Variants in RORA observed in about 807,000 individuals in gnomAD.
RORA encodes RAR related orphan receptor A.
Under a neutral mutation model 69.5 loss-of-function variants are expected in RORA, and 7 were observed. The ratio of observed to expected loss-of-function variants is 0.10; its 90% CI spans 0.06 to 0.19. The LOEUF (loss-of-function observed/expected upper bound fraction) is 0.19, where lower values mean the gene tolerates loss of function less well. Among genes scored for constraint, RORA ranks in the 10% least tolerant of loss-of-function variants. The pLI is 1.00. For synonymous variants in RORA, 261 were observed against 240.8 expected, an observed-to-expected ratio of 1.08 and a Z score of -0.78; for missense variants, 457 against 663.0, an observed-to-expected ratio of 0.69 and a Z score of 3.41.
intron 1 of RORA, among the ~76,000 whole-genome samples, chr15:61,051,176 G>A (rs1043464887): frequency 6.6e-6 from 1 of 152,224 alleles, no homozygotes; most frequent in African/African-American, 2.4e-5. Context: ...ATGGCAGAAG[G>A]AAGAGGGGAG....
intron 1 of RORA, among the ~76,000 whole-genome samples, chr15:61,008,994 A>C (rs1014731554): frequency 1.3e-5 from 2 of 152,186 alleles, no homozygotes; most frequent in Non-Finnish European, 2.9e-5. Context: ...TAAACATCCT[A>C]TCAGAGTCTC....
rs553417682 is a variant in RORA, at chr15:60,507,385, G to A, written c.821-1756C>T. On this transcript the variant is annotated intron_variant, in intron 5 of 10. Coordinates refer to ENST00000335670, the MANE Select transcript of RORA (RefSeq NM_134261.3). ...GCAGACTTGTTTGTGTGAAAACAGA[G>A]CAGGTTCACCTAAATGGAGCTGGAA... Among the ~76,000 whole-genome samples the A allele has an allele frequency of 5.3e-5, 8 of 152,282 alleles. No individual in the cohort carries two copies. The East Asian group carries it at 1.5e-3, about 29-fold the overall frequency.
At chr15:61,188,347 T>A (rs1299603739) in intron 1 of RORA, among the ~76,000 whole-genome samples, 1 of 152,174 alleles carries the variant, frequency 6.6e-6, no homozygotes, top group Non-Finnish European at 1.5e-5. Context: ...AATAAAACTT[T>A]ATTTACAAAA....
At chr15:61,072,547 C>A (rs2078382464) in intron 1 of RORA, among the ~76,000 whole-genome samples, 1 of 152,180 alleles carries the variant, frequency 6.6e-6, no homozygotes, top group Admixed American at 6.5e-5. Context: ...AAAAGGCCTA[C>A]CATTTAACAA....
chr15:60,716,838 G>C (rs1407613762), intron 1 of RORA, among the ~76,000 whole-genome samples: 2 of 152,224 alleles, frequency 1.3e-5, no homozygotes, highest in Non-Finnish European at 2.9e-5. Context: ...TGGTGCCCCA[G>C]GGAGGGCATG....
intron 2 of RORA, among the ~76,000 whole-genome samples, chr15:60,606,198 T>C (rs2140567377): frequency 6.6e-6 from 1 of 152,348 alleles, no homozygotes; most frequent in East Asian, 1.9e-4. Context: ...GGCCAAAATG[T>C]CTGTTTCCTG....
At chr15:60,990,624 C>T (rs572232055) in intron 1 of RORA, among the ~76,000 whole-genome samples, 4 of 152,020 alleles carry the variant, frequency 2.6e-5, no homozygotes, top group South Asian at 4.2e-4. Flanking sequence ...AATGAGGCAA[C>T]GGAAAATTTA....
intron 2 of RORA, among the ~76,000 whole-genome samples, chr15:60,625,801 G>C (rs1007280192): frequency 6.6e-6 from 1 of 152,146 alleles, no homozygotes; most frequent in African/African-American, 2.4e-5. Context: ...ATAAGAAATT[G>C]GTAACTGTGG....
At position 61,061,631 on chromosome 15, in the gene RORA, G is replaced by C. The variant is rs953530171; in HGVS notation, c.166+167422C>G. Among the ~76,000 whole-genome samples the C allele has an allele frequency of 7.9e-5, 12 of 152,054 alleles. No homozygotes were observed. The highest frequency in any genetic ancestry group is 7.3e-5 in the Non-Finnish European group (5 of 68,030). On this transcript the variant is annotated intron_variant, in intron 1 of 10. Transcript: ENST00000335670. The surrounding 1 kb of genome is among the most constrained non-coding windows in gnomAD (Gnocchi z 4.4). ...TCCTAGGTATATTAAAAATAATTCA[G>C]GTTTACATAATCTATCTCTAATTGC...
At chr15:60,804,152 G>A (rs1336984246) in intron 1 of RORA, among the ~76,000 whole-genome samples, 5 of 152,000 alleles carry the variant, frequency 3.3e-5, no homozygotes, top group Non-Finnish European at 5.9e-5. Flanking sequence ...GCCAGGCGTG[G>A]TGGTGGGTGC....
At chr15:60,890,982 C>T (rs1011323366) in intron 1 of RORA, among the ~76,000 whole-genome samples, 1 of 152,194 alleles carries the variant, frequency 6.6e-6, no homozygotes, top group Admixed American at 6.5e-5. Context: ...GTCCAAATCA[C>T]AAGGAGGCGG....
intron 1 of RORA, among the ~76,000 whole-genome samples, chr15:61,225,896 T>C (rs1041744701): frequency 9.2e-5 from 14 of 152,198 alleles, no homozygotes; most frequent in Admixed American, 9.2e-4. Flanking sequence ...TTCTCTTTCA[T>C]TGTGTTGTTA....
At chr15:61,208,060 C>A (rs1252160292) in intron 1 of RORA, among the ~76,000 whole-genome samples, 1 of 152,164 alleles carries the variant, frequency 6.6e-6, no homozygotes, top group Non-Finnish European at 1.5e-5. Context: ...GAAATAAAGA[C>A]CTCGCATTTC....
At chr15:60,619,873 C>T (rs1364264731) in intron 2 of RORA, among the ~76,000 whole-genome samples, 2 of 152,248 alleles carry the variant, frequency 1.3e-5, no homozygotes, top group Non-Finnish European at 2.9e-5. Flanking sequence ...GCATCTTTGC[C>T]TGCTTTTGCA....
intron 2 of RORA, among the ~76,000 whole-genome samples, chr15:60,619,303 T>G (rs954258479): frequency 2.6e-5 from 4 of 152,202 alleles, no homozygotes; most frequent in African/African-American, 9.7e-5. Flanking sequence ...TTGTGACTCC[T>G]CCTATTATTG....
At chr15:61,042,932 T>C (rs4775351) in intron 1 of RORA, among the ~76,000 whole-genome samples, 43,494 of 152,104 alleles carry the variant, frequency 0.29, 7,750 homozygotes, top group East Asian at 0.6. Flanking sequence ...GGTATGTGGA[T>C]AGCAGAGAAA....
intron 1 of RORA, among the ~76,000 whole-genome samples, chr15:61,050,799 C>G (rs1458814045): frequency 6.6e-6 from 1 of 152,102 alleles, no homozygotes; most frequent in African/African-American, 2.4e-5. Context: ...CTCTTTAATT[C>G]TTATCATAAT....
intron 1 of RORA, among the ~76,000 whole-genome samples, chr15:60,801,825 C>A (rs918786175): frequency 7.9e-5 from 12 of 152,178 alleles, no homozygotes; most frequent in African/African-American, 2.9e-4. Flanking sequence ...AATCCCTTAA[C>A]TGTATGGTAT....
At position 60,490,367 on chromosome 15, in the gene RORA, T is replaced by A. The variant is rs1051008132; in HGVS notation, c.*7088A>T. ...AAAATAGATTATATAGTAAAACCGG[T>A]ATTATACAGCATATTGTGGATTTGA... On this transcript the variant is annotated 3_prime_UTR_variant, in exon 11 of 11. Transcript: ENST00000335670. The surrounding 1 kb of genome is among the most constrained non-coding windows in gnomAD (Gnocchi z 4.1). 1 of 152,140 alleles carries A rather than the reference T, an allele frequency of 6.6e-6. No homozygotes were observed. The highest frequency in any genetic ancestry group is 2.4e-5 in the African/African-American group (1 of 41,456). The allele number at this position is 152,140 out of a possible 1,614,324, so 9.4% of individuals were successfully genotyped here.
Sources: allele counts gnomAD v4.1 joint callset (sites outside exome capture counted in the v4.1 genomes callset), GRCh38; gene constraint gnomAD v4.1.1; non-coding constraint Gnocchi (gnomAD v3.1); transcripts MANE v1.5; gene names NCBI Gene and HGNC (gene_info 2026-07-23, HGNC 2026-07-21).